CDC42BPB: variants seen among roughly 807,000 people sequenced by gnomAD.
CDC42BPB encodes the protein serine/threonine-protein kinase MRCK beta.
In CDC42BPB, 37 loss-of-function variants were observed where a neutral mutation model predicts 214.9. That is an observed-to-expected ratio of 0.17 (90% confidence interval 0.13 to 0.23). The LOEUF is 0.23. Ranked by LOEUF, CDC42BPB falls within the 10% of genes least tolerant of loss-of-function variation. The pLI is 1.00. For missense variants in CDC42BPB, 1,694 were observed against 2,227.0 expected, an observed-to-expected ratio of 0.76 and a Z score of 4.82; for synonymous variants, 931 against 884.0, an observed-to-expected ratio of 1.05 and a Z score of -0.94.
Position 102,980,013 on chromosome 14 carries a change from T to TA in CDC42BPB, c.1140+759dup, listed in dbSNP as rs564074007. ...ACACCAATGCAGACACAAAGCGCTGTAATGTTAGAAAGATTTAACGTGCTC... is the reference window on the plus strand; with the variant it reads ...ACACCAATGCAGACACAAAGCGCTGTAAATGTTAGAAAGATTTAACGTGCTC... On this transcript the variant is annotated intron_variant, in intron 8 of 36. Transcript: ENST00000361246. Among the ~76,000 whole-genome samples, 20 of 152,306 alleles carry TA rather than the reference T, an allele frequency of 1.3e-4. No individual in the cohort carries two copies. In the East Asian group the frequency reaches 3.9e-3, roughly 29 times the overall value.
chr14:102,954,506 C>T, intron 22 of CDC42BPB, 96 bp downstream of exon 22: 1 of 1,401,252 alleles, frequency 7.1e-7, no homozygotes, highest in Non-Finnish European at 9.7e-7. Flanking sequence ...GCCCTCGCTG[C>T]AAACTGTTAT....
Position 102,959,668 on chromosome 14 carries a change from A to C in CDC42BPB, c.2864T>G (p.Phe955Cys). The C allele has an allele frequency of 1.2e-6, 2 of 1,612,422 alleles. No homozygotes were observed. The highest frequency in any genetic ancestry group is 1.7e-6 in the Non-Finnish European group (2 of 1,179,456). Reference sequence around the variant, plus strand: ...GTCATGTGCAAGAGGAGCAGTGTTGAAATACTCAAAAATGGAATCCTGAAA... The same window carrying C: ...GTCATGTGCAAGAGGAGCAGTGTTGCAATACTCAAAAATGGAATCCTGAAA... The part of the protein sequence containing the change: ...PDFQDSIFEY[F>C]NTAPLAHDLT... The change falls in exon 21 of 37, where the codon TTC becomes TGC. Residue 955 changes from phenylalanine to cysteine, a missense_variant. Around this residue, in one of 7 missense-constraint regions of CDC42BPB, gnomAD observed 156 missense variants for 154.5 expected, o/e 1.01. Transcript: ENST00000361246.
At position 103,057,294 on chromosome 14, in the gene CDC42BPB, G is replaced by A. The variant is rs1052138881; in HGVS notation, c.-121C>T. On this transcript the variant is annotated 5_prime_UTR_variant, in exon 1 of 37. Coordinates refer to ENST00000361246, the MANE Select transcript of CDC42BPB (RefSeq NM_006035.4). The stretch of plus-strand genomic sequence containing the variant: ...CCGGCAGCAGCGGCGCCTCCTCGCC[G>A]CCCCGTCCGCGTCGTCGCGCCCCGG... The A allele has an allele frequency of 1.4e-5, 15 of 1,088,152 alleles. No homozygotes were observed. The highest frequency in any genetic ancestry group is 1.4e-5 in the Non-Finnish European group (13 of 897,860). The allele number at this position is 1,088,152 out of a possible 1,614,324, so 67.4% of individuals were successfully genotyped here. A position where few individuals can be genotyped will look rare whatever the true frequency, so the allele number is the denominator to read the frequency against.
rs772927977 is a variant in CDC42BPB, at chr14:102,968,633, T to C, written c.2079A>G (p.Lys693=). Residue 693 remains lysine (K), a synonymous_variant, in exon 15 of 37, where the codon AAA becomes AAG. Coordinates refer to ENST00000361246, the MANE Select transcript of CDC42BPB (RefSeq NM_006035.4). ...CCAATTCCTCTTCATAAAATAAGAC[T>C]TTCTTCTCCAGCTCGGATTTGATTT... ...ISKIKSELEK[K]VLFYEEELVR... The C allele has an allele frequency of 1.2e-5, 19 of 1,614,252 alleles. 2 individuals carry two copies. The South Asian group carries it at 2.0e-4, about 17-fold the overall frequency.
chr14:102,970,648 C>A (rs1482252398), intron 13 of CDC42BPB, among the ~76,000 whole-genome samples: 1 of 152,146 alleles, frequency 6.6e-6, no homozygotes, highest in African/African-American at 2.4e-5. Context: ...CGTGCCGGCA[C>A]CCAGCTTCAA....
chr14:102,955,015 C>G (rs1239541580), intron 21 of CDC42BPB, among the ~76,000 whole-genome samples: 1 of 152,190 alleles, frequency 6.6e-6, no homozygotes, highest in Non-Finnish European at 1.5e-5. Flanking sequence ...CTGAGCATAC[C>G]CGCCCCCTCC....
At chr14:103,016,045 T>C (rs1471016974) in intron 1 of CDC42BPB, among the ~76,000 whole-genome samples, 1 of 152,114 alleles carries the variant, frequency 6.6e-6, no homozygotes, top group Non-Finnish European at 1.5e-5. Context: ...CTTAGAAACC[T>C]GGACAAAGGG....
At chr14:103,038,766 T>C (rs1289082287) in intron 1 of CDC42BPB, among the ~76,000 whole-genome samples, 3 of 149,154 alleles carry the variant, frequency 2.0e-5, no homozygotes, top group Non-Finnish European at 4.4e-5. Flanking sequence ...CTCGAACTCC[T>C]GGACTCAAGT....
At chr14:102,968,437 G>C (rs1273207706) in intron 15 of CDC42BPB, 35 bp downstream of exon 15, 1 of 1,613,340 alleles carries the variant, frequency 6.2e-7, no homozygotes, top group African/African-American at 1.3e-5. Flanking sequence ...GTATCAGCTT[G>C]CATCTTCTGA....
At chr14:103,015,022 C>T (rs113999421) in intron 1 of CDC42BPB, among the ~76,000 whole-genome samples, 113 of 152,306 alleles carry the variant, frequency 7.4e-4, no homozygotes, top group African/African-American at 2.6e-3. Context: ...TTTGATAAAA[C>T]ACATTTTGTT....
chr14:103,030,290 T>G (rs1887294263), intron 1 of CDC42BPB, among the ~76,000 whole-genome samples: 1 of 152,262 alleles, frequency 6.6e-6, no homozygotes, highest in Non-Finnish European at 1.5e-5. Flanking sequence ...TAAGAATGTT[T>G]AGAAGAATCT....
At position 102,954,641 on chromosome 14, in the gene CDC42BPB, C is replaced by A. The variant is rs149077999; in HGVS notation, c.2949G>T (p.Ala983=). ...ATGCAGCCACAGACATCGACGGGGA[C>A]GCTTCTGGCTTCGGAGCTTGTGTTT... is the stretch of plus-strand genomic sequence containing the variant. ...EQETQAPKPE[A]SPSMSVAASE... Residue 983 remains alanine, a synonymous_variant, in exon 22 of 37, where the codon GCG becomes GCT. Coordinates refer to ENST00000361246, the MANE Select transcript of CDC42BPB (RefSeq NM_006035.4). 1 of 1,613,992 alleles carries A rather than the reference C, an allele frequency of 6.2e-7. No individual in the cohort carries two copies. Among genetic ancestry groups the A allele is most frequent in the South Asian group, 1.1e-5 (1 of 91,064 alleles).
rs546025756 is a variant in CDC42BPB, at chr14:102,967,923, G to A, written c.2346+330C>T. On this transcript the variant is annotated intron_variant, in intron 16 of 36. Transcript: ENST00000361246. ...ATCCTGGCTAACACGGTGAAAACCC[G>A]TCTCTACTAAAAATACAAAAACTTA... Among the ~76,000 whole-genome samples the A allele has an allele frequency of 3.9e-5, 6 of 151,946 alleles. No homozygotes were observed. In the East Asian group the frequency reaches 7.7e-4, roughly 20 times the overall value.
At position 103,048,532 on chromosome 14, in the gene CDC42BPB, C is replaced by CAAAAAAAAAAAAAAAAA. The variant is rs71119751; in HGVS notation, c.175+8450_175+8466dup. Among the ~76,000 whole-genome samples the CAAAAAAAAAAAAAAAAA allele has an allele frequency of 2.1e-4, 9 of 42,656 alleles. 1 individual carries two copies. Among genetic ancestry groups the CAAAAAAAAAAAAAAAAA allele is most frequent in the Admixed American group, 4.0e-4 (1 of 2,496 alleles). The allele number at this position is 42,656 out of a possible 152,430, so 28.0% of individuals were successfully genotyped here. A position where few individuals can be genotyped will look rare whatever the true frequency, so the allele number is the denominator to read the frequency against. ...TGAAACCCTGTTTCTACTAAAAATA[C>CAAAAAAAAAAAAAAAAA]AAAAAAAAAAAAAAAAAAAAAAAAA... On this transcript the variant is annotated intron_variant, in intron 1 of 36. Coordinates refer to ENST00000361246, the MANE Select transcript of CDC42BPB (RefSeq NM_006035.4).
intron 1 of CDC42BPB, among the ~76,000 whole-genome samples, chr14:103,043,319 T>C (rs541292122): frequency 6.6e-6 from 1 of 152,148 alleles, no homozygotes; most frequent in South Asian, 2.1e-4. Flanking sequence ...ATAAACAAAA[T>C]GAGAGCTGTC....
chr14:103,022,384 A>AC (rs562467488), intron 1 of CDC42BPB, among the ~76,000 whole-genome samples: 33 of 152,186 alleles, frequency 2.2e-4, no homozygotes, highest in African/African-American at 7.9e-4. Flanking sequence ...TGTTTTTGAG[A>AC]CAGGGTTTCA....
At chr14:102,945,551 C>G in intron 29 of CDC42BPB, 111 bp downstream of exon 29, 4 of 957,818 alleles carry the variant, frequency 4.2e-6, no homozygotes, top group Non-Finnish European at 4.9e-6. Flanking sequence ...CCCTCCGGCG[C>G]CTTCATCAAG....
At chr14:103,011,162 G>C (rs1387474635) in intron 2 of CDC42BPB, among the ~76,000 whole-genome samples, 5 of 152,268 alleles carry the variant, frequency 3.3e-5, no homozygotes, top group African/African-American at 1.2e-4. Flanking sequence ...GGCCGAGGCA[G>C]GTCTGTGGAG....
intron 2 of CDC42BPB, among the ~76,000 whole-genome samples, chr14:103,009,548 T>C (rs1370097683): frequency 6.6e-6 from 1 of 152,246 alleles, no homozygotes; most frequent in Non-Finnish European, 1.5e-5. Context: ...TTATCTTCTT[T>C]GAAACTCACA....
Sources: gnomAD v4.1 joint callset for allele counts (sites outside exome capture counted in the v4.1 genomes callset) on GRCh38, gnomAD v4.1.1 for gene constraint, gnomAD v4.1.1 regional missense constraint, MANE v1.5 for transcripts, NCBI Gene and HGNC (gene_info 2026-07-23, HGNC 2026-07-21) for gene names.